GNAO1: variants seen among roughly 807,000 people sequenced by gnomAD.
GNAO1 encodes the protein guanine nucleotide-binding protein G(o) subunit alpha.
For missense variants in GNAO1, 166 were observed against 478.7 expected (o/e 0.35, Z 6.10); for synonymous variants, 164 against 180.7 (o/e 0.91, Z 0.74).
rs1411840350 is a variant in GNAO1 at position 56,311,669 on chromosome 16, G to A, written c.304-16962G>A. 6.6e-6 allele frequency among the ~76,000 whole-genome samples: 1 copy of A among 152,076 alleles called. No homozygotes were observed. The highest frequency in any genetic ancestry group is 2.4e-5 in the African/African-American group (1 of 41,410). Reference sequence around the variant, plus strand: ...TAGCTTGGCAGATGAGTCCCCGGAGGCTTGGCTCAGCCCCTGACCCCCTGT... The same window carrying A: ...TAGCTTGGCAGATGAGTCCCCGGAGACTTGGCTCAGCCCCTGACCCCCTGT... On this transcript the variant is annotated intron_variant, in intron 3 of 8. Transcript: ENST00000262493. This position sits in a 1 kb window ranked among gnomAD's most constrained non-coding sequence, Gnocchi z 5.2.
chr16:56,340,807 C>T, intron 6 of GNAO1: 1 of 1,606,966 alleles, frequency 6.2e-7, no homozygotes, highest in South Asian at 1.1e-5. Context: ...GCTGCCGCCC[C>T]TCACTCACCC....
chr16:56,262,118 G>A (rs1175150470), intron 2 of GNAO1, among the ~76,000 whole-genome samples: 3 of 152,248 alleles, frequency 2.0e-5, no homozygotes, highest in Non-Finnish European at 2.9e-5. Flanking sequence ...TTCCCCCAAG[G>A]AAAGTTGAGC....
At chr16:56,207,519 A>T (rs2036341367) in intron 2 of GNAO1, among the ~76,000 whole-genome samples, 1 of 152,204 alleles carries the variant, frequency 6.6e-6, no homozygotes, top group African/African-American at 2.4e-5. Context: ...TCTTTCCATC[A>T]CACCACTCAG....
At chr16:56,346,439 G>T in intron 6 of GNAO1, 1 of 985,182 alleles carries the variant, frequency 1.0e-6, no homozygotes, top group Non-Finnish European at 1.2e-6. Flanking sequence ...GAGCGTCTTT[G>T]CCAAACTCAT....
At chr16:56,307,272 C>T (rs2037406550) in intron 3 of GNAO1, 1 of 152,204 alleles carries the variant, frequency 6.6e-6, no homozygotes, top group African/African-American at 2.4e-5. Context: ...CCGGGAGGGG[C>T]AGCCCCAGTC....
At chr16:56,286,096 C>T (rs1457214610) in intron 3 of GNAO1, among the ~76,000 whole-genome samples, 1 of 152,142 alleles carries the variant, frequency 6.6e-6, no homozygotes, top group Non-Finnish European at 1.5e-5. Context: ...GGTATCTGCC[C>T]CTGCCCTGCT....
chr16:56,268,039 G>A (rs1184791165), intron 2 of GNAO1, among the ~76,000 whole-genome samples: 2 of 152,170 alleles, frequency 1.3e-5, no homozygotes, highest in African/African-American at 4.8e-5. Flanking sequence ...GGAGCATCAA[G>A]GGAGGTAAGA....
chr16:56,220,629 A>T (rs1207620303), intron 2 of GNAO1, among the ~76,000 whole-genome samples: 6 of 152,230 alleles, frequency 3.9e-5, no homozygotes, highest in African/African-American at 1.4e-4. Context: ...CCCCTACAAA[A>T]TTCATGTAGA....
intron 2 of GNAO1, among the ~76,000 whole-genome samples, chr16:56,260,811 C>T (rs1435035545): frequency 1.3e-5 from 2 of 152,138 alleles, no homozygotes; most frequent in Admixed American, 6.5e-5. Context: ...TATTTAAATC[C>T]ACCACACAGA....
intron 6 of GNAO1, chr16:56,344,201 G>T: frequency 7.1e-7 from 1 of 1,408,868 alleles, no homozygotes; most frequent in Non-Finnish European, 9.2e-7. Flanking sequence ...CAGCCTCTGT[G>T]TCATCTCTGA....
At chr16:56,341,138 T>A in intron 6 of GNAO1, 2 of 682,158 alleles carry the variant, frequency 2.9e-6, no homozygotes, top group Non-Finnish European at 5.1e-6. Flanking sequence ...GATTGTGCTC[T>A]AGAGAGGAGG....
In GNAO1 at chr16:56,287,956, G is replaced by A. The variant is rs542190287; in HGVS notation, c.303+11884G>A. Among the ~76,000 whole-genome samples, 7 of 152,312 alleles carry A rather than the reference G, an allele frequency of 4.6e-5. No individual in the cohort carries two copies. In the South Asian group the frequency reaches 1.4e-3, roughly 32 times the overall value. On this transcript the variant is annotated intron_variant, in intron 3 of 8. Transcript: ENST00000262493. ...CGCGCTGCATAGACCGTGCACCAGT[G>A]TCCAGTGTCGATGGTGCACTCAGCA...
intron 6 of GNAO1, among the ~76,000 whole-genome samples, chr16:56,337,996 C>G (rs2037759753): frequency 2.0e-5 from 3 of 152,202 alleles, no homozygotes; most frequent in Admixed American, 2.0e-4. Flanking sequence ...GGAGGTGGGG[C>G]TTGTTGTCAT....
At chr16:56,270,550 C>G (rs2037006921) in intron 2 of GNAO1, 1 of 152,140 alleles carries the variant, frequency 6.6e-6, no homozygotes, top group South Asian at 2.1e-4. Flanking sequence ...TTATGTCCCA[C>G]TTTATCCAAG....
At chr16:56,246,226 C>T (rs1372716004) in intron 2 of GNAO1, among the ~76,000 whole-genome samples, 3 of 152,226 alleles carry the variant, frequency 2.0e-5, no homozygotes, top group African/African-American at 4.8e-5. Context: ...AGCACCCAGA[C>T]TGCTTAGGGC....
chr16:56,236,956 C>T (rs1215157277), intron 2 of GNAO1, among the ~76,000 whole-genome samples: 1 of 152,154 alleles, frequency 6.6e-6, no homozygotes, highest in East Asian at 1.9e-4. Flanking sequence ...CTGGGTGATC[C>T]TGGATAAGTT....
intron 2 of GNAO1, among the ~76,000 whole-genome samples, chr16:56,204,794 T>A (rs1321359784): frequency 2.0e-5 from 3 of 152,174 alleles, no homozygotes; most frequent in Non-Finnish European, 4.4e-5. Context: ...AGAACCCAAG[T>A]TCTCATCCCA....
chr16:56,272,657 T>C (rs2037028943), intron 2 of GNAO1, among the ~76,000 whole-genome samples: 1 of 152,238 alleles, frequency 6.6e-6, no homozygotes, highest in Non-Finnish European at 1.5e-5. Context: ...CCCAGGCTCT[T>C]ACCTGCTGAG....
At chr16:56,280,804 C>T (rs973202633) in intron 3 of GNAO1, among the ~76,000 whole-genome samples, 7 of 152,150 alleles carry the variant, frequency 4.6e-5, no homozygotes, top group Non-Finnish European at 7.4e-5. Context: ...CGGGTGGGGC[C>T]GGACCACAGA....
Sources: gnomAD v4.1 joint callset for allele counts (sites outside exome capture counted in the v4.1 genomes callset) on GRCh38, gnomAD v4.1.1 for gene constraint, Gnocchi (gnomAD v3.1) non-coding constraint, MANE v1.5 for transcripts, NCBI Gene and HGNC (gene_info 2026-07-23, HGNC 2026-07-21) for gene names.